The following FHOD3 variants were observed in gnomAD, a reference collection of about 807,000 sequenced individuals.
FHOD3 encodes the protein formin homology 2 domain containing 3, also known as FH1/FH2 domain-containing protein 3.
A neutral mutation model predicts 173.0 loss-of-function variants in FHOD3; 90 were observed. That is an observed-to-expected ratio of 0.52 (90% CI 0.44 to 0.62). FHOD3 has a LOEUF of 0.62. Ranked by LOEUF, FHOD3 falls within the 20% of genes least tolerant of loss-of-function variation. FHOD3 has a pLI of 0.00. For synonymous variants in FHOD3, 828 were observed against 823.0 expected, an observed-to-expected ratio of 1.01 and a Z score of -0.10; for missense variants, 1,945 against 2,034.7, an observed-to-expected ratio of 0.96 and a Z score of 0.85.
In FHOD3 at chr18:36,566,797, G is replaced by A. The variant is rs192094711; in HGVS notation, c.512-9654G>A. Among the ~76,000 whole-genome samples, 10 of 152,178 alleles carry A rather than the reference G, an allele frequency of 6.6e-5. No individual in the cohort carries two copies. In the East Asian group the frequency reaches 1.5e-3, roughly 23 times the overall value. On this transcript the variant is annotated intron_variant, in intron 5 of 28. Coordinates refer to ENST00000590592, the MANE Select transcript of FHOD3 (RefSeq NM_001281740.3). ...TAAGGGAATTGGGTGACTCACTGAA[G>A]GTGGAGGATGAGGAAAGGGAAGGAG...
chr18:36,722,478 T>C (rs1007148385), intron 19 of FHOD3, among the ~76,000 whole-genome samples: 2 of 152,222 alleles, frequency 1.3e-5, no homozygotes, highest in African/African-American at 4.8e-5. Context: ...AGGTTTGTCA[T>C]AGGGAGGGAG....
chr18:36,740,543 T>A, intron 20 of FHOD3, 113 bp from the exon 21 acceptor site: 1 of 1,097,806 alleles, frequency 9.1e-7, no homozygotes, highest in Non-Finnish European at 1.3e-6. Context: ...ATAACACCTG[T>A]ACATACCTCT....
At chr18:36,483,170 G>T (rs1490900077) in intron 3 of FHOD3, among the ~76,000 whole-genome samples, 1 of 152,114 alleles carries the variant, frequency 6.6e-6, no homozygotes, top group East Asian at 1.9e-4. Flanking sequence ...TTTGACCTCT[G>T]GTGTTTGAAG....
chr18:36,396,050 T>C (rs1331601901), intron 3 of FHOD3, among the ~76,000 whole-genome samples: 6 of 152,226 alleles, frequency 3.9e-5, no homozygotes, highest in African/African-American at 1.4e-4. Flanking sequence ...TTGCCATGTA[T>C]AATATCCTTG....
intron 3 of FHOD3, among the ~76,000 whole-genome samples, chr18:36,444,880 A>C (rs1267004598): frequency 6.6e-6 from 1 of 152,262 alleles, no homozygotes. Context: ...TTTTGCAATT[A>C]CAAACAATGC....
intron 16 of FHOD3, among the ~76,000 whole-genome samples, chr18:36,691,046 G>GA (rs1181510448): frequency 2.6e-5 from 4 of 152,176 alleles, no homozygotes; most frequent in Admixed American, 2.6e-4. Flanking sequence ...GGGTACACAG[G>GA]AATAGCATTT....
chr18:36,591,130 G>A (rs1026688240), intron 6 of FHOD3, among the ~76,000 whole-genome samples: 6 of 152,308 alleles, frequency 3.9e-5, no homozygotes, highest in East Asian at 3.9e-4. Context: ...AGCACAACTC[G>A]TGATGCCATA....
intron 9 of FHOD3, among the ~76,000 whole-genome samples, chr18:36,616,724 C>A (rs1568499418): frequency 6.6e-6 from 1 of 152,210 alleles, no homozygotes; most frequent in African/African-American, 2.4e-5. Flanking sequence ...CCCCAGTATT[C>A]TCTTGCTTTC....
In FHOD3 at chr18:36,709,255, C is replaced by A. The variant is rs529699072; in HGVS notation, c.2397C>A (p.Ala799=). 1 of 1,614,208 alleles carries A rather than the reference C, an allele frequency of 6.2e-7. No individual in the cohort carries two copies. Among genetic ancestry groups the A allele is most frequent in the Non-Finnish European group, 8.5e-7 (1 of 1,180,046 alleles). The part of the protein sequence containing the change: ...QALEQEPEER[A]SLSEKERQNE... ...TAGAGCAAGAGCCGGAAGAAAGAGC[C>A]TCCCTCAGTGAAAAAGAGAGGCAGA... The change falls in exon 18 of 29, where the codon GCC becomes GCA. Residue 799 remains alanine (A), a synonymous_variant. Coordinates refer to ENST00000590592, the MANE Select transcript of FHOD3 (RefSeq NM_001281740.3).
At chr18:36,769,952 C>A (rs909395953) in intron 28 of FHOD3, among the ~76,000 whole-genome samples, 4 of 152,122 alleles carry the variant, frequency 2.6e-5, no homozygotes, top group Non-Finnish European at 5.9e-5. Flanking sequence ...CCTAGGTTGA[C>A]CATTTTTTCC....
At position 36,435,724 on chromosome 18, in the gene FHOD3, C is replaced by T. The variant is rs531777191; in HGVS notation, c.337+62980C>T. 3.9e-5 allele frequency among the ~76,000 whole-genome samples: 6 copies of T among 152,262 alleles called. 1 individual carries two copies. The South Asian group carries it at 8.3e-4, about 21-fold the overall frequency. On this transcript the variant is annotated intron_variant, in intron 3 of 28. Coordinates refer to ENST00000590592, the MANE Select transcript of FHOD3 (RefSeq NM_001281740.3). ...TTTTCATTACAGGTTAAAGAATGCA[C>T]AGATTTGCTAAGTGGCAATTCTTCT...
chr18:36,757,167 G>A (rs1361845904), intron 25 of FHOD3, among the ~76,000 whole-genome samples: 1 of 152,164 alleles, frequency 6.6e-6, no homozygotes, highest in Admixed American at 6.5e-5. Context: ...ATCATAAACA[G>A]AGGTGAATGT....
At chr18:36,461,998 A>G (rs1341659093) in intron 3 of FHOD3, among the ~76,000 whole-genome samples, 1 of 152,236 alleles carries the variant, frequency 6.6e-6, no homozygotes, top group African/African-American at 2.4e-5. Flanking sequence ...AGGTCTAAGA[A>G]CATAGTATCC....
intron 6 of FHOD3, among the ~76,000 whole-genome samples, chr18:36,577,244 C>T (rs1271461408): frequency 6.6e-6 from 1 of 152,124 alleles, no homozygotes; most frequent in African/African-American, 2.4e-5. Flanking sequence ...GCTCTAACAT[C>T]AATTATAAAA....
At chr18:36,614,918 T>C (rs1317789074) in intron 9 of FHOD3, among the ~76,000 whole-genome samples, 1 of 143,830 alleles carries the variant, frequency 7.0e-6, no homozygotes, top group African/African-American at 2.6e-5. Flanking sequence ...TGATGCAATC[T>C]CGGCTCACCG....
At chr18:36,303,481 C>T (rs941477958) in intron 1 of FHOD3, among the ~76,000 whole-genome samples, 8 of 152,146 alleles carry the variant, frequency 5.3e-5, no homozygotes, top group East Asian at 1.9e-4. Context: ...GTTTTGTCCT[C>T]GGACTCCAAC....
At chr18:36,438,201 G>A (rs1464505692) in intron 3 of FHOD3, among the ~76,000 whole-genome samples, 1 of 152,088 alleles carries the variant, frequency 6.6e-6, no homozygotes, top group Admixed American at 6.5e-5. Flanking sequence ...TAGCATGGTG[G>A]TTGTTTTTAG....
At chr18:36,625,083 C>A (rs1044844226) in intron 9 of FHOD3, among the ~76,000 whole-genome samples, 2 of 152,094 alleles carry the variant, frequency 1.3e-5, no homozygotes, top group South Asian at 2.1e-4. Flanking sequence ...TTTGGGAAAG[C>A]GAGCTCAAGA....
At chr18:36,545,211 G>T (rs1402364268) in intron 5 of FHOD3, among the ~76,000 whole-genome samples, 1 of 152,166 alleles carries the variant, frequency 6.6e-6, no homozygotes, top group Non-Finnish European at 1.5e-5. Flanking sequence ...GGCATACAGT[G>T]GTGAACAAGA....
Sources: gnomAD v4.1 joint callset for allele counts (sites outside exome capture counted in the v4.1 genomes callset) on GRCh38, gnomAD v4.1.1 for gene constraint, MANE v1.5 for transcripts, NCBI Gene and HGNC (gene_info 2026-07-23, HGNC 2026-07-21) for gene names.